Variants in PARD3 observed in about 807,000 individuals in gnomAD.
PARD3 encodes par-3 family cell polarity regulator.
Under a neutral mutation model 155.4 loss-of-function variants are expected in PARD3, and 75 were observed. The ratio of observed to expected loss-of-function variants is 0.48; its 90% confidence interval spans 0.40 to 0.58. PARD3 has a LOEUF of 0.58. Among genes scored for constraint, PARD3 ranks in the 20% least tolerant of loss-of-function variants. The pLI, the probability that PARD3 is intolerant of heterozygous loss-of-function variation, is 0.00. For missense variants in PARD3, 1,642 were observed against 1,721.7 expected, an observed-to-expected ratio of 0.95 and a Z score of 0.82; for synonymous variants, 576 against 610.5, an observed-to-expected ratio of 0.94 and a Z score of 0.83.
At chr10:34,119,364 G>A (rs529663595) in intron 24 of PARD3, among the ~76,000 whole-genome samples, 2 of 152,270 alleles carry the variant, frequency 1.3e-5, no homozygotes, top group South Asian at 2.1e-4. Flanking sequence ...TACACGAGTC[G>A]CTTCACTTTT....
intron 4 of PARD3, among the ~76,000 whole-genome samples, chr10:34,463,483 T>C (rs1176812696): frequency 6.6e-6 from 1 of 152,166 alleles, no homozygotes; most frequent in Admixed American, 6.5e-5. Flanking sequence ...AAGGCTTCTA[T>C]CTAGAAAGAT....
intron 22 of PARD3, among the ~76,000 whole-genome samples, chr10:34,220,604 C>A (rs574069787): frequency 6.6e-6 from 1 of 152,050 alleles, no homozygotes; most frequent in Admixed American, 6.6e-5. Context: ...TACAGGCACC[C>A]GAAATGCAAT....
intron 2 of PARD3, among the ~76,000 whole-genome samples, chr10:34,614,121 C>G (rs888886447): frequency 1.3e-5 from 2 of 152,168 alleles, no homozygotes; most frequent in Admixed American, 6.5e-5. Context: ...AGTTTTCCTA[C>G]TGTAAAAATG....
chr10:34,587,116 T>C (rs2088143990), intron 2 of PARD3, among the ~76,000 whole-genome samples: 1 of 152,086 alleles, frequency 6.6e-6, no homozygotes, highest in South Asian at 2.1e-4. Flanking sequence ...ATGTTTATTT[T>C]TTTTATTGTG....
At chr10:34,359,076 T>G in intron 14 of PARD3, 71 bp downstream of exon 14, 2 of 1,232,398 alleles carry the variant, frequency 1.6e-6, no homozygotes, top group Non-Finnish European at 2.3e-6. Context: ...CTAATACCCT[T>G]TGCCCAAAAT....
At chr10:34,160,598 T>A (rs1949226363) in intron 22 of PARD3, among the ~76,000 whole-genome samples, 1 of 152,242 alleles carries the variant, frequency 6.6e-6, no homozygotes, top group African/African-American at 2.4e-5. Flanking sequence ...TGTTCTTGCA[T>A]TAAACAAGAT....
chr10:34,219,460 C>T lies in PARD3; in HGVS notation c.3419+50197G>A, dbSNP rs185637765. 2.6e-5 allele frequency among the ~76,000 whole-genome samples: 4 copies of T among 152,310 alleles called. No homozygotes were observed. In the East Asian group the frequency reaches 7.7e-4, roughly 29 times the overall value. On this transcript the variant is annotated intron_variant, in intron 22 of 24. Transcript: ENST00000374788. The stretch of plus-strand genomic sequence containing the variant: ...CACTTTAGCGGGGGTATGCACCCCC[C>T]TCTTAATTATGAAACAAAGCACACC...
intron 2 of PARD3, among the ~76,000 whole-genome samples, chr10:34,592,033 T>C (rs1590142989): frequency 6.6e-6 from 1 of 152,182 alleles, no homozygotes; most frequent in African/African-American, 2.4e-5. Context: ...TCCAAAGTTC[T>C]TCACTTCTAG....
intron 2 of PARD3, among the ~76,000 whole-genome samples, chr10:34,600,180 CAA>C (rs71033321): frequency 3.8e-5 from 5 of 130,666 alleles, no homozygotes; most frequent in Non-Finnish European, 3.3e-5. Context: ...ATCAAAAATA[CAA>C]AAAAAAAAAA....
At position 34,655,965 on chromosome 10, in the gene PARD3, A is replaced by G. The variant is rs868668228; in HGVS notation, c.222+40353T>C. The stretch of plus-strand genomic sequence containing the variant: ...CAGTTCTGAACTGAATTAAAAAACC[A>G]AAAGAATTTTTTTAATCGTGTTCTT... On this transcript the variant is annotated intron_variant, in intron 2 of 24. Coordinates refer to ENST00000374788, the MANE Select transcript of PARD3 (RefSeq NM_001184785.2). Among the ~76,000 whole-genome samples, 59 of 152,326 alleles carry G rather than the reference A, an allele frequency of 3.9e-4. 1 individual carries two copies. The highest frequency in any genetic ancestry group is 6.8e-3 in the Middle Eastern group (2 of 294).
chr10:34,743,080 AG>A (rs1336878386), intron 1 of PARD3, among the ~76,000 whole-genome samples: 1 of 152,254 alleles, frequency 6.6e-6, no homozygotes, highest in African/African-American at 2.4e-5. Context: ...CACTGGACTT[AG>A]CAAATATTCA....
chr10:34,448,554 C>A (rs960403598), intron 5 of PARD3, among the ~76,000 whole-genome samples: 6 of 152,170 alleles, frequency 3.9e-5, no homozygotes, highest in African/African-American at 1.4e-4. Context: ...AACCATGACA[C>A]TTTGGGAGGC....
chr10:34,570,010 CAG>C (rs2086261636), intron 2 of PARD3, among the ~76,000 whole-genome samples: 1 of 151,616 alleles, frequency 6.6e-6, no homozygotes, highest in East Asian at 1.9e-4. Context: ...TTCCCTCAAA[CAG>C]AGACAAATAT....
chr10:34,274,308 A>T (rs674723), intron 21 of PARD3, among the ~76,000 whole-genome samples: 1 of 152,090 alleles, frequency 6.6e-6, no homozygotes, highest in African/African-American at 2.4e-5. Flanking sequence ...CAATTATGAC[A>T]GTTAAGGATG....
chr10:34,602,663 G>C (rs1231144564), intron 2 of PARD3, among the ~76,000 whole-genome samples: 1 of 152,200 alleles, frequency 6.6e-6, no homozygotes, highest in Non-Finnish European at 1.5e-5. Flanking sequence ...AAAGCAGCCA[G>C]CAATGAGAGA....
At position 34,645,724 on chromosome 10, in the gene PARD3, G is replaced by C. The variant is rs1471689242; in HGVS notation, c.222+50594C>G. On this transcript the variant is annotated intron_variant, in intron 2 of 24. Transcript: ENST00000374788. ...TGGGAGCAACTAAGTATCTCTGCAG[G>C]TGCCTGTTCTCACTGGGATATTAAG... Among the ~76,000 whole-genome samples, 3 of 152,290 alleles carry C rather than the reference G, an allele frequency of 2.0e-5. No homozygotes were observed. The South Asian group carries it at 6.2e-4, about 32-fold the overall frequency.
chr10:34,375,088 A>ACACAC (rs1048825566), intron 10 of PARD3, 86 bp from the exon 11 acceptor site: 2 of 956,770 alleles, frequency 2.1e-6, no homozygotes, highest in African/African-American at 3.5e-5. Flanking sequence ...ACACACACAC[A>ACACAC]CACACACTCT....
chr10:34,587,513 G>A (rs745593844), intron 2 of PARD3, among the ~76,000 whole-genome samples: 14 of 152,178 alleles, frequency 9.2e-5, no homozygotes, highest in Non-Finnish European at 1.9e-4. Flanking sequence ...CAGGCACAGT[G>A]CTACCTCAAG....
intron 24 of PARD3, among the ~76,000 whole-genome samples, chr10:34,115,597 T>C (rs767460538): frequency 1.3e-5 from 2 of 152,222 alleles, no homozygotes; most frequent in Non-Finnish European, 2.9e-5. Context: ...GTGATGGATA[T>C]GTTAGCTAAC....
Sources: gnomAD v4.1 joint callset for allele counts (sites outside exome capture counted in the v4.1 genomes callset) on GRCh38, gnomAD v4.1.1 for gene constraint, MANE v1.5 for transcripts, NCBI Gene and HGNC (gene_info 2026-07-23, HGNC 2026-07-21) for gene names.